Variants in TRERF1 observed in about 807,000 individuals in gnomAD.
TRERF1 encodes the protein transcriptional regulating factor 1.
In TRERF1, 27 loss-of-function variants were observed where a neutral mutation model predicts 122.9. The observed-to-expected ratio is 0.22, with a 90% CI of 0.16 to 0.30. The LOEUF (loss-of-function observed/expected upper bound fraction) is 0.30. Ranked by LOEUF, TRERF1 falls within the 10% of genes least tolerant of loss-of-function variation. The pLI, the probability that TRERF1 is intolerant of heterozygous loss-of-function variation, is 1.00. For missense variants in TRERF1, 1,248 were observed against 1,560.3 expected (o/e 0.80, Z 3.37); for synonymous variants, 636 against 641.7 (o/e 0.99, Z 0.13).
At chr6:42,360,135 T>C (rs1771443749) in intron 3 of TRERF1, among the ~76,000 whole-genome samples, 1 of 152,260 alleles carries the variant, frequency 6.6e-6, no homozygotes, top group Non-Finnish European at 1.5e-5. Flanking sequence ...ATGACACTAA[T>C]AAAGGTAACA....
At position 42,436,800 on chromosome 6, in the gene TRERF1, CAAAAAA is replaced by C. The variant is rs775861205; in HGVS notation, c.-454+14371_-454+14376del. ...ATGAATTATTTGCAATCTCCCTCTA[CAAAAAA>C]AAAAAAAAATATATATATATATATA... On this transcript the variant is annotated intron_variant, in intron 2 of 17. Transcript: ENST00000372922. Among the ~76,000 whole-genome samples the C allele has an allele frequency of 1.3e-3, 103 of 77,536 alleles. 1 individual carries two copies. The highest frequency in any genetic ancestry group is 9.3e-3 in the Middle Eastern group (1 of 108). 50.9% of individuals were successfully genotyped at this position (77,536 alleles called of 152,430 possible). A position where few individuals can be genotyped will look rare whatever the true frequency, so the allele number is the denominator to read the frequency against.
At chr6:42,383,228 C>T (rs2151165800) in intron 2 of TRERF1, among the ~76,000 whole-genome samples, 1 of 152,160 alleles carries the variant, frequency 6.6e-6, no homozygotes, top group South Asian at 2.1e-4. Context: ...GAGACCTTGT[C>T]TTGAAAAACA....
At chr6:42,425,144 G>C (rs1206713943) in intron 2 of TRERF1, among the ~76,000 whole-genome samples, 8 of 152,062 alleles carry the variant, frequency 5.3e-5, no homozygotes, top group African/African-American at 1.9e-4. Context: ...AGAGGGTGGG[G>C]GCAAAGTCCA....
At chr6:42,298,138 T>G (rs1000040875) in intron 4 of TRERF1, among the ~76,000 whole-genome samples, 13 of 150,322 alleles carry the variant, frequency 8.6e-5, no homozygotes, top group African/African-American at 2.4e-4. Context: ...ATAGTTGTTG[T>G]TTTTTTTTGT....
intron 4 of TRERF1, among the ~76,000 whole-genome samples, chr6:42,298,200 GGCTGGAGT>G (rs1785421198): frequency 6.6e-6 from 1 of 151,644 alleles, no homozygotes; most frequent in Non-Finnish European, 1.5e-5. Flanking sequence ...CTGTCACCCA[GGCTGGAGT>G]GCAGTGGTAT....
chr6:42,302,751 T>C (rs943030279), intron 3 of TRERF1, among the ~76,000 whole-genome samples: 1 of 152,230 alleles, frequency 6.6e-6, no homozygotes, highest in African/African-American at 2.4e-5. Context: ...ATAGCAGACC[T>C]TACCAAGGAG....
At chr6:42,235,979 G>A (rs1562111516) in intron 16 of TRERF1, among the ~76,000 whole-genome samples, 1 of 152,208 alleles carries the variant, frequency 6.6e-6, no homozygotes, top group Non-Finnish European at 1.5e-5. Flanking sequence ...GGGCATGGGG[G>A]CCTTCTCTGT....
intron 3 of TRERF1, among the ~76,000 whole-genome samples, chr6:42,307,845 G>A (rs115353636): frequency 0.011 from 1,630 of 152,310 alleles, 22 homozygotes; most frequent in African/African-American, 0.037. Context: ...TGAAAGAGGA[G>A]CTCTCATCAA....
chr6:42,430,521 G>A (rs893331111), intron 2 of TRERF1, among the ~76,000 whole-genome samples: 19 of 152,310 alleles, frequency 1.2e-4, no homozygotes, highest in Non-Finnish European at 1.9e-4. Context: ...AGGCCAAGAC[G>A]GGTGGATCAC....
intron 2 of TRERF1, among the ~76,000 whole-genome samples, chr6:42,399,336 C>T (rs1263321774): frequency 6.6e-6 from 1 of 152,052 alleles, no homozygotes; most frequent in Admixed American, 6.6e-5. Flanking sequence ...ACATACTAAA[C>T]CTAAAATGAT....
At chr6:42,319,401 G>C (rs1763016794) in intron 3 of TRERF1, among the ~76,000 whole-genome samples, 1 of 152,226 alleles carries the variant, frequency 6.6e-6, no homozygotes, top group Non-Finnish European at 1.5e-5. Context: ...GTTACAACCA[G>C]AAACACTTGC....
At chr6:42,283,255 G>T (rs1782602999) in intron 4 of TRERF1, among the ~76,000 whole-genome samples, 1 of 152,182 alleles carries the variant, frequency 6.6e-6, no homozygotes. Context: ...CATGCATCGG[G>T]CGACTCAAAA....
intron 2 of TRERF1, among the ~76,000 whole-genome samples, chr6:42,427,869 A>AT (rs1257840071): frequency 2.0e-5 from 3 of 149,572 alleles, no homozygotes; most frequent in South Asian, 2.1e-4. Flanking sequence ...TAATATATAT[A>AT]AAAAAAAAAT....
intron 2 of TRERF1, among the ~76,000 whole-genome samples, chr6:42,444,554 A>T (rs908373329): frequency 6.6e-6 from 1 of 151,810 alleles, no homozygotes; most frequent in Admixed American, 6.6e-5. Context: ...CTGCCTGCCC[A>T]CTCCTTAGCA....
intron 3 of TRERF1, among the ~76,000 whole-genome samples, chr6:42,334,240 T>C (rs78781081): frequency 6.6e-6 from 1 of 152,202 alleles, no homozygotes; most frequent in East Asian, 1.9e-4. Flanking sequence ...GTCAGGGTTA[T>C]GGAAAGCTTA....
chr6:42,280,125 G>A (rs182529191), intron 4 of TRERF1, among the ~76,000 whole-genome samples: 262 of 152,220 alleles, frequency 1.7e-3, no homozygotes, highest in African/African-American at 6.0e-3. Flanking sequence ...CGGCGACACC[G>A]AGCTACATAC....
chr6:42,236,803 G>A (rs6935563), intron 15 of TRERF1, among the ~76,000 whole-genome samples: 1,861 of 152,278 alleles, frequency 0.012, 41 homozygotes, highest in African/African-American at 0.042. Context: ...AGGTGAAGAG[G>A]GGTTTCCAGC....
chr6:42,229,268 G>A (rs571850282), intron 17 of TRERF1, among the ~76,000 whole-genome samples: 1 of 152,254 alleles, frequency 6.6e-6, no homozygotes, highest in East Asian at 1.9e-4. Context: ...CTCTCGATTA[G>A]CTAGGACTAC....
Position 42,275,091 on chromosome 6 carries a change from C to T in TRERF1, c.-258-5243G>A, listed in dbSNP as rs996030900. On this transcript the variant is annotated intron_variant, in intron 4 of 17. Coordinates refer to ENST00000372922, the Ensembl canonical transcript of TRERF1. This position sits in a 1 kb window ranked among gnomAD's most constrained non-coding sequence, Gnocchi z 4.1. ...GTCTTATACAGATGGTAGCGTGCTA[C>T]GCCGTGGTTTAGCATCTTGCCAAAA... Among the ~76,000 whole-genome samples, 6 of 152,218 alleles carry T rather than the reference C, an allele frequency of 3.9e-5. No homozygotes were observed. The highest frequency in any genetic ancestry group is 8.8e-5 in the Non-Finnish European group (6 of 68,042).
Sources: allele counts gnomAD v4.1 joint callset (sites outside exome capture counted in the v4.1 genomes callset), GRCh38; gene constraint gnomAD v4.1.1; non-coding constraint Gnocchi (gnomAD v3.1); transcripts MANE v1.5; gene names NCBI Gene and HGNC (gene_info 2026-07-23, HGNC 2026-07-21).